Variants in GRID2 observed in about 807,000 individuals in gnomAD.
The protein encoded by GRID2 is glutamate receptor ionotropic, delta-2.
GRID2 carries 33 observed loss-of-function variants against 114.8 expected under a neutral mutation model. The observed-to-expected ratio is 0.29, with a 90% CI of 0.22 to 0.38. The LOEUF is 0.38. Among genes scored for constraint, GRID2 ranks in the 10% least tolerant of loss-of-function variants. GRID2 has a pLI of 1.00. For synonymous variants in GRID2, 505 were observed against 449.9 expected (o/e 1.12, Z -1.55); for missense variants, 1,184 against 1,257.7 (o/e 0.94, Z 0.89).
intron 11 of GRID2, among the ~76,000 whole-genome samples, chr4:93,463,857 C>T (rs1032716122): frequency 2.5e-4 from 38 of 151,864 alleles, no homozygotes; most frequent in East Asian, 3.9e-4. Context: ...GGCGTGGTGG[C>T]GGGCACCTGT....
At chr4:92,957,210 C>T (rs1011629146) in intron 2 of GRID2, among the ~76,000 whole-genome samples, 2 of 152,044 alleles carry the variant, frequency 1.3e-5, no homozygotes, top group African/African-American at 4.8e-5. Context: ...GTTGTAGTAT[C>T]TGAAACGTTA....
At chr4:92,520,375 T>TAA (rs35833244) in intron 1 of GRID2, among the ~76,000 whole-genome samples, 41,460 of 150,878 alleles carry the variant, frequency 0.27, 6,545 homozygotes, top group Non-Finnish European at 0.36. Context: ...AACATATTGA[T>TAA]AAAAAAAAAC....
At chr4:92,630,783 T>G (rs1730767329) in intron 2 of GRID2, among the ~76,000 whole-genome samples, 1 of 152,060 alleles carries the variant, frequency 6.6e-6, no homozygotes, top group Non-Finnish European at 1.5e-5. Context: ...GAAAATACAT[T>G]ACGGAGGCTG....
At chr4:93,085,475 A>G (rs1203004903) in intron 3 of GRID2, among the ~76,000 whole-genome samples, 196 bp downstream of exon 3, 1 of 152,192 alleles carries the variant, frequency 6.6e-6, no homozygotes, top group Non-Finnish European at 1.5e-5. Context: ...GTATAAAGTC[A>G]ACTTTAAATA....
At chr4:92,776,705 A>C (rs1289350407) in intron 2 of GRID2, among the ~76,000 whole-genome samples, 4 of 152,034 alleles carry the variant, frequency 2.6e-5, no homozygotes, top group Non-Finnish European at 4.4e-5. Context: ...TGTTCTCTCT[A>C]CTTCTATAGG....
intron 4 of GRID2, among the ~76,000 whole-genome samples, chr4:93,188,303 T>G (rs997595383): frequency 1.3e-5 from 2 of 152,260 alleles, no homozygotes; most frequent in East Asian, 1.9e-4. Context: ...GATGGCACTG[T>G]GCAGATGCCA....
chr4:93,260,511 T>G (rs1579460234), intron 8 of GRID2, among the ~76,000 whole-genome samples: 1 of 151,748 alleles, frequency 6.6e-6, no homozygotes, highest in East Asian at 1.9e-4. Flanking sequence ...TTAAAACAAT[T>G]TAAGTTAATT....
At chr4:93,229,154 A>AT (rs201801527) in intron 7 of GRID2, among the ~76,000 whole-genome samples, 1 of 152,046 alleles carries the variant, frequency 6.6e-6, no homozygotes, top group Non-Finnish European at 1.5e-5. Context: ...TTAAAAATGG[A>AT]TTTTTAGAAA....
At chr4:92,569,032 A>T (rs917237594) in intron 1 of GRID2, among the ~76,000 whole-genome samples, 23 of 151,984 alleles carry the variant, frequency 1.5e-4, no homozygotes, top group African/African-American at 5.6e-4. Flanking sequence ...AATAGGCAAA[A>T]GTGTGCCATG....
chr4:93,575,378 T>C (rs1736322364), intron 13 of GRID2, among the ~76,000 whole-genome samples: 1 of 152,196 alleles, frequency 6.6e-6, no homozygotes, highest in Non-Finnish European at 1.5e-5. Flanking sequence ...AGATGATAAA[T>C]TTTCTAGTGG....
chr4:93,235,033 A>T (rs1272328428), intron 7 of GRID2, among the ~76,000 whole-genome samples: 1 of 152,076 alleles, frequency 6.6e-6, no homozygotes, highest in Admixed American at 6.6e-5. Flanking sequence ...GAATGACATA[A>T]AGTCTCAGTA....
Position 93,407,904 on chromosome 4 carries a change from G to A in GRID2, c.1347+12196G>A, listed in dbSNP as rs1230967107. The stretch of plus-strand genomic sequence containing the variant: ...TCATTTTTATTTTTAACCATTGCTA[G>A]TGGTATGATTTTTGAATTGGGAAAA... On this transcript the variant is annotated intron_variant, in intron 9 of 15. Coordinates refer to ENST00000282020, the MANE Select transcript of GRID2 (RefSeq NM_001510.4). 2.0e-5 allele frequency among the ~76,000 whole-genome samples: 3 copies of A among 150,786 alleles called. No homozygotes were observed. The Admixed American group carries it at 2.0e-4, about 10-fold the overall frequency.
chr4:93,398,706 C>G (rs1765590661), intron 9 of GRID2, among the ~76,000 whole-genome samples: 1 of 149,560 alleles, frequency 6.7e-6, no homozygotes. Context: ...TAGCCCTGCA[C>G]AGATATTGAA....
chr4:93,678,397 C>T (rs548074557), intron 14 of GRID2, among the ~76,000 whole-genome samples: 4,583 of 152,060 alleles, frequency 0.03, 107 homozygotes, highest in African/African-American at 0.061. Flanking sequence ...GCAAGGCAGG[C>T]CAACATTCAG....
At chr4:92,486,069 T>C (rs1213491652) in intron 1 of GRID2, among the ~76,000 whole-genome samples, 1 of 151,856 alleles carries the variant, frequency 6.6e-6, no homozygotes, top group Non-Finnish European at 1.5e-5. Context: ...TTTCTATTTG[T>C]AAACTTGAAT....
intron 2 of GRID2, among the ~76,000 whole-genome samples, chr4:92,866,702 C>G (rs1202021699): frequency 1.3e-5 from 2 of 151,356 alleles, no homozygotes; most frequent in Non-Finnish European, 2.9e-5. Context: ...CGCCACCATG[C>G]CCGGCTAATT....
chr4:92,946,016 T>C (rs1185033871), intron 2 of GRID2, among the ~76,000 whole-genome samples: 1 of 152,156 alleles, frequency 6.6e-6, no homozygotes, highest in Admixed American at 6.6e-5. Context: ...CTACCAATTG[T>C]TCTTTTAATT....
intron 14 of GRID2, among the ~76,000 whole-genome samples, chr4:93,627,128 A>AT (rs1256627145): frequency 6.6e-6 from 1 of 152,206 alleles, no homozygotes. Flanking sequence ...GCATTTCATT[A>AT]TATCTCCTAC....
chr4:92,916,249 G>T (rs1160500531), intron 2 of GRID2, among the ~76,000 whole-genome samples: 1 of 152,028 alleles, frequency 6.6e-6, no homozygotes, highest in Admixed American at 6.6e-5. Context: ...TTTATACATG[G>T]TATAAGGAAG....
Sources: allele counts gnomAD v4.1 joint callset (sites outside exome capture counted in the v4.1 genomes callset), GRCh38; gene constraint gnomAD v4.1.1; transcripts MANE v1.5; gene names NCBI Gene and HGNC (gene_info 2026-07-23, HGNC 2026-07-21).